The following COL27A1 variants were observed in gnomAD, a reference collection of about 807,000 sequenced individuals.
COL27A1 encodes collagen type XXVII alpha 1 chain.
A neutral mutation model predicts 251.3 loss-of-function variants in COL27A1; 106 were observed. The ratio of observed to expected loss-of-function variants is 0.42; its 90% CI spans 0.36 to 0.50. The LOEUF (loss-of-function observed/expected upper bound fraction) is 0.50, where lower values mean the gene tolerates loss of function less well. Ranked by LOEUF, COL27A1 falls within the 20% of genes least tolerant of loss-of-function variation. The probability of loss-of-function intolerance (pLI) is 0.00; values close to 1 mark genes in which losing one functional copy is unlikely to be tolerated. For missense variants in COL27A1, 2,325 were observed against 2,522.8 expected (o/e 0.92, Z 1.68); for synonymous variants, 1,000 against 986.3 (o/e 1.01, Z -0.26).
At chr9:114,192,804 C>T (rs1168439954) in intron 5 of COL27A1, among the ~76,000 whole-genome samples, 8 of 152,208 alleles carry the variant, frequency 5.3e-5, no homozygotes, top group Non-Finnish European at 1.2e-4. Flanking sequence ...CATTCCTTTC[C>T]CTTCTGGAGG....
At chr9:114,247,883 C>G (rs943134852) in intron 24 of COL27A1, among the ~76,000 whole-genome samples, 6 of 149,816 alleles carry the variant, frequency 4.0e-5, no homozygotes, top group African/African-American at 1.5e-4. Context: ...CAAAAGTAAT[C>G]ACAGTTTTTA....
rs1453556455 is a variant in COL27A1 at position 114,231,853 on chromosome 9, T to A, written c.2552T>A (p.Leu851Gln). 10 of 1,614,174 alleles carry A rather than the reference T, an allele frequency of 6.2e-6. No homozygotes were observed. The South Asian group carries it at 1.1e-4, about 18-fold the overall frequency. Residue 851 changes from leucine (L) to glutamine (Q), a missense_variant, in exon 16 of 61, where the codon CTG becomes CAG. Physicochemically the swap from Leu to Gln is moderately radical, Grantham distance 113. Coordinates refer to ENST00000356083, the MANE Select transcript of COL27A1 (RefSeq NM_032888.4). The part of the protein sequence containing the change: ...GLMGSVGEPG[L>Q]KGDKGEQGVP... ...ATGGGCAGCGTGGGGGAGCCCGGAC[T>A]GAAAGGTGATAAGGTGATCTGAATA... is the stretch of plus-strand genomic sequence containing the variant.
At chr9:114,296,776 A>G (rs1459887189) in intron 49 of COL27A1, among the ~76,000 whole-genome samples, 1 of 152,246 alleles carries the variant, frequency 6.6e-6, no homozygotes, top group Non-Finnish European at 1.5e-5. Context: ...AGCTTTATTT[A>G]TAATAGCCCC....
chr9:114,301,849 A>C, intron 55 of COL27A1, 132 bp downstream of exon 55: 1 of 960,840 alleles, frequency 1.0e-6, no homozygotes, highest in Non-Finnish European at 1.6e-6. Flanking sequence ...GACTCCTAGG[A>C]GAGTATAGGG....
chr9:114,206,108 G>T, intron 9 of COL27A1, 144 bp from the exon 10 acceptor site: 2 of 813,056 alleles, frequency 2.5e-6, no homozygotes, highest in Non-Finnish European at 4.1e-6. Flanking sequence ...GGCTGTGGGG[G>T]TCAGGCCAAA....
At position 114,308,101 on chromosome 9, in the gene COL27A1, A is replaced by G. The variant is rs141490772; in HGVS notation, c.5217+323A>G. Among the ~76,000 whole-genome samples, 14 of 152,138 alleles carry G rather than the reference A, an allele frequency of 9.2e-5. No individual in the cohort carries two copies. In the East Asian group the frequency reaches 2.5e-3, roughly 27 times the overall value. On this transcript the variant is annotated intron_variant, in intron 59 of 60. Coordinates refer to ENST00000356083, the MANE Select transcript of COL27A1 (RefSeq NM_032888.4). ...ACTATGAATCATCAGCATGAAATAA[A>G]AGAGAAAACTAGCATGATGCTCATC...
intron 37 of COL27A1, among the ~76,000 whole-genome samples, chr9:114,278,403 T>TGGTGATAGTGGG (rs1564562488): frequency 2.7e-3 from 1 of 368 alleles, no homozygotes; most frequent in Non-Finnish European, 6.7e-3. Flanking sequence ...CTGGTGGCGA[T>TGGTGATAGTGGG]GGTGGTGGTG....
chr9:114,154,558 G>T (rs887277110), upstream of COL27A1, among the ~76,000 whole-genome samples: 1 of 152,224 alleles, frequency 6.6e-6, no homozygotes. This position sits in a 1 kb window ranked among gnomAD's most constrained non-coding sequence, Gnocchi z 5.8. Context: ...TCCACCCGGG[G>T]TGTGTACATG....
chr9:114,246,359 C>T (rs192022483), intron 24 of COL27A1, among the ~76,000 whole-genome samples: 1 of 151,066 alleles, frequency 6.6e-6, no homozygotes, highest in East Asian at 1.9e-4. Flanking sequence ...AAACCAGTGG[C>T]TCTGGCTGGT....
At chr9:114,255,803 G>A (rs899331556) in intron 27 of COL27A1, among the ~76,000 whole-genome samples, 15 of 152,130 alleles carry the variant, frequency 9.9e-5, no homozygotes, top group Non-Finnish European at 8.8e-5. Flanking sequence ...CGGCTAGCTC[G>A]GAGGCCCAGA....
chr9:114,178,024 A>G (rs1827605187), intron 3 of COL27A1, among the ~76,000 whole-genome samples: 1 of 152,200 alleles, frequency 6.6e-6, no homozygotes, highest in African/African-American at 2.4e-5. Flanking sequence ...ACTTTGTCCA[A>G]CTTGGGGAAG....
chr9:114,242,082 G>A, intron 21 of COL27A1, 105 bp from the exon 22 acceptor site: 1 of 982,238 alleles, frequency 1.0e-6, no homozygotes, highest in Non-Finnish European at 1.4e-6. Context: ...TGTCCAGGAG[G>A]GCTCTCCTCT....
intron 5 of COL27A1, among the ~76,000 whole-genome samples, chr9:114,185,173 G>C (rs764175133): frequency 6.6e-6 from 1 of 152,170 alleles, no homozygotes; most frequent in African/African-American, 2.4e-5. Flanking sequence ...GACCACTGAG[G>C]CTCCTCCCTA....
intron 37 of COL27A1, among the ~76,000 whole-genome samples, chr9:114,278,533 G>GGTAGTGATGGTA (rs1835697236): frequency 7.0e-6 from 1 of 143,030 alleles, no homozygotes; most frequent in Non-Finnish European, 1.5e-5. Flanking sequence ...GATGATGGGT[G>GGTAGTGATGGTA]GTAGTGATGG....
chr9:114,302,007 C>T, intron 55 of COL27A1, 75 bp from the exon 56 acceptor site: 1 of 1,410,040 alleles, frequency 7.1e-7, no homozygotes, highest in Middle Eastern at 1.8e-4. Context: ...GATGGTCTCC[C>T]TGGTCTCCTG....
chr9:114,227,833 G>A (rs1831602631), intron 14 of COL27A1, among the ~76,000 whole-genome samples: 1 of 152,168 alleles, frequency 6.6e-6, no homozygotes, highest in South Asian at 2.1e-4. Context: ...ATTCTGAGTG[G>A]CTCCGGCCAA....
chr9:114,271,855 C>T (rs1454109044), intron 36 of COL27A1: 1 of 152,256 alleles, frequency 6.6e-6, no homozygotes, highest in Non-Finnish European at 1.5e-5. Flanking sequence ...CAGGCTTCCG[C>T]CCACCCTCGT....
At chr9:114,154,426 C>A (rs1193370484), upstream of COL27A1, among the ~76,000 whole-genome samples, 3 of 151,564 alleles carry the variant, frequency 2.0e-5, no homozygotes, top group African/African-American at 4.9e-5. This position sits in a 1 kb window ranked among gnomAD's most constrained non-coding sequence, Gnocchi z 5.8. Flanking sequence ...TGTGTGTGCG[C>A]GCGCCTAAAG....
At chr9:114,292,844 G>C (rs999093008) in intron 49 of COL27A1, among the ~76,000 whole-genome samples, 5 of 152,174 alleles carry the variant, frequency 3.3e-5, no homozygotes, top group African/African-American at 1.2e-4. Flanking sequence ...ACTACTAACA[G>C]TCATAAAGAA....
Sources: gnomAD v4.1 joint callset for allele counts (sites outside exome capture counted in the v4.1 genomes callset) on GRCh38, gnomAD v4.1.1 for gene constraint, Gnocchi (gnomAD v3.1) non-coding constraint, MANE v1.5 for transcripts, NCBI Gene and HGNC (gene_info 2026-07-23, HGNC 2026-07-21) for gene names.